ANO1: variants seen among roughly 807,000 people sequenced by gnomAD.
ANO1 encodes the protein anoctamin-1.
Under a neutral mutation model 124.0 loss-of-function variants are expected in ANO1, and 59 were observed. The ratio of observed to expected loss-of-function variants is 0.48; its 90% CI spans 0.39 to 0.59. ANO1 has a LOEUF of 0.59. Among genes scored for constraint, ANO1 ranks in the 20% least tolerant of loss-of-function variants. The pLI, the probability that ANO1 is intolerant of heterozygous loss-of-function variation, is 0.00. For synonymous variants in ANO1, 529 were observed against 532.0 expected (o/e 0.99, Z 0.08); for missense variants, 1,059 against 1,328.0 (o/e 0.80, Z 3.15).
chr11:70,187,402 T>G (rs564927721), intron 25 of ANO1, among the ~76,000 whole-genome samples: 148 of 152,336 alleles, frequency 9.7e-4, no homozygotes, highest in African/African-American at 3.4e-3. Context: ...TCCAGTTTCA[T>G]GTTTTTCCCC....
chr11:70,051,464 A>G (rs1297201534), intron 1 of ANO1, among the ~76,000 whole-genome samples: 1 of 152,230 alleles, frequency 6.6e-6, no homozygotes, highest in Non-Finnish European at 1.5e-5. Context: ...CAAGTTTTCC[A>G]AAGTGGTTGT....
intron 1 of ANO1, among the ~76,000 whole-genome samples, chr11:70,051,181 C>G (rs1482357902): frequency 1.3e-5 from 2 of 152,188 alleles, no homozygotes; most frequent in Admixed American, 6.5e-5. Flanking sequence ...CACCCACCCC[C>G]AGTCATTACC....
At chr11:70,113,841 T>G (rs865917525) in intron 7 of ANO1, among the ~76,000 whole-genome samples, 46 of 152,048 alleles carry the variant, frequency 3.0e-4, no homozygotes, top group Admixed American at 1.3e-3. Flanking sequence ...TCAGAAAGGC[T>G]TAGTAATTTG....
chr11:70,157,719 C>T (rs1395009880), intron 16 of ANO1, among the ~76,000 whole-genome samples: 1 of 151,674 alleles, frequency 6.6e-6, no homozygotes, highest in Non-Finnish European at 1.5e-5. Flanking sequence ...GGGCCGGGTG[C>T]AGTGGCTCAC....
At chr11:70,123,578 G>T (rs912539216) in intron 8 of ANO1, among the ~76,000 whole-genome samples, 1 of 152,160 alleles carries the variant, frequency 6.6e-6, no homozygotes, top group Non-Finnish European at 1.5e-5. Context: ...CTGAGCTGAG[G>T]AGGAGGGCAG....
At chr11:70,076,746 C>T (rs2044063197), upstream of ANO1, among the ~76,000 whole-genome samples, 2 of 152,342 alleles carry the variant, frequency 1.3e-5, no homozygotes, top group South Asian at 2.1e-4. Context: ...CCACTCAGTG[C>T]CCGTTGGCAC....
the ANO1 span, among the ~76,000 whole-genome samples, chr11:69,976,390 G>A: frequency 1.3e-4 from 20 of 151,582 alleles, no homozygotes; most frequent in Admixed American, 7.9e-4. Context: ...GCCTGTAGTC[G>A]CAGCTACTCG....
intron 1 of ANO1, among the ~76,000 whole-genome samples, chr11:70,011,542 C>A (rs1856598456): frequency 6.6e-6 from 1 of 152,182 alleles, no homozygotes; most frequent in African/African-American, 2.4e-5. Context: ...CAATAAATTC[C>A]ACTCTCCCAC....
intron 18 of ANO1, 127 bp from the exon 19 acceptor site, chr11:70,163,156 C>A: frequency 1.1e-6 from 1 of 937,130 alleles, no homozygotes; most frequent in Non-Finnish European, 1.6e-6. Context: ...GCAGGGAGAG[C>A]CGCCTGTAGA....
At chr11:70,061,834 G>A (rs1857586497) in intron 1 of ANO1, among the ~76,000 whole-genome samples, 3 of 152,134 alleles carry the variant, frequency 2.0e-5, no homozygotes, top group African/African-American at 7.2e-5. Context: ...CAGAGGAAAA[G>A]TCTGATCTTA....
intron 11 of ANO1, among the ~76,000 whole-genome samples, chr11:70,138,581 G>A (rs568595290): frequency 6.6e-6 from 1 of 151,848 alleles, no homozygotes; most frequent in Non-Finnish European, 1.5e-5. Flanking sequence ...GCACTGTCAT[G>A]AGCATCTCCC....
At position 70,126,112 on chromosome 11, in the gene ANO1, C is replaced by T; in HGVS notation, c.1014C>T (p.Tyr338=). 6.2e-7 allele frequency: 1 copy of T among 1,613,426 alleles called. No individual in the cohort carries two copies. The highest frequency in any genetic ancestry group is 8.5e-7 in the Non-Finnish European group (1 of 1,179,600). The change falls in exon 10 of 26, where the codon TAC becomes TAT. Residue 338 remains tyrosine (Y), a synonymous_variant. Transcript: ENST00000355303. ...IGLYFAWLGV[Y]TQMLIPASIV... is the part of the protein sequence containing the mutation. ...TGTACTTCGCCTGGCTGGGCGTGTA[C>T]ACCCAGATGCTCATCCCTGCCTCCA...
chr11:70,006,423 C>T (rs1409792757), intron 1 of ANO1, among the ~76,000 whole-genome samples: 6 of 152,020 alleles, frequency 3.9e-5, no homozygotes, highest in Admixed American at 3.9e-4. Flanking sequence ...GTGGGCGCGC[C>T]CAGGCTGACA....
At chr11:70,090,230 A>G (rs2044573914) in intron 2 of ANO1, among the ~76,000 whole-genome samples, 1 of 151,778 alleles carries the variant, frequency 6.6e-6, no homozygotes, top group African/African-American at 2.4e-5. Context: ...GATGGTCTCG[A>G]TCTCCTGATC....
intron 1 of ANO1, among the ~76,000 whole-genome samples, chr11:70,002,721 T>C (rs2120352253): frequency 6.6e-6 from 1 of 152,238 alleles, no homozygotes; most frequent in East Asian, 1.9e-4. Flanking sequence ...TTAGAAGATA[T>C]AGGTCAGGAA....
Position 70,116,503 on chromosome 11 carries a change from A to G in ANO1, c.897+4A>G, listed in dbSNP as rs1417997042. 2 of 1,591,192 alleles carry G rather than the reference A, an allele frequency of 1.3e-6. No individual in the cohort carries two copies. Among genetic ancestry groups the G allele is most frequent in the Admixed American group, 1.8e-5 (1 of 56,424 alleles). The stretch of plus-strand genomic sequence containing the variant: ...CGTCGAGTTCAACGACAGAAAAGTA[A>G]GTTGATGGAGCGGAGCAGGAGGTGG... On this transcript the variant is annotated splice_donor_region_variant and intron_variant, in intron 8 of 25. Coordinates refer to ENST00000355303, the MANE Select transcript of ANO1 (RefSeq NM_018043.7).
At chr11:69,982,160 G>A (rs920030360), upstream of ANO1, among the ~76,000 whole-genome samples, 2 of 152,200 alleles carry the variant, frequency 1.3e-5, no homozygotes, top group Non-Finnish European at 2.9e-5. Flanking sequence ...ACTTAAAAAT[G>A]ATCAATTTTA....
chr11:70,162,272 T>C (rs1356080858), intron 18 of ANO1, among the ~76,000 whole-genome samples: 1 of 143,868 alleles, frequency 7.0e-6, no homozygotes, highest in Non-Finnish European at 1.5e-5. Flanking sequence ...CCCCGGACAG[T>C]GGGGACCCCG....
chr11:70,032,532 GA>G (rs1353254679), intron 1 of ANO1, among the ~76,000 whole-genome samples: 2 of 126,442 alleles, frequency 1.6e-5, no homozygotes, highest in African/African-American at 5.5e-5. Flanking sequence ...AGGGAGGCGG[GA>G]GAGGGGGGGG....
Sources: allele counts gnomAD v4.1 joint callset (sites outside exome capture counted in the v4.1 genomes callset), GRCh38; gene constraint gnomAD v4.1.1; transcripts MANE v1.5; gene names NCBI Gene and HGNC (gene_info 2026-07-23, HGNC 2026-07-21).